The following NAV3 variants were observed in gnomAD, a reference collection of about 807,000 sequenced individuals.
The protein encoded by NAV3 is pore membrane and/or filament interacting like protein 1.
A neutral mutation model predicts 244.7 loss-of-function variants in NAV3; 87 were observed. The ratio of observed to expected loss-of-function variants is 0.36; its 90% CI spans 0.30 to 0.42. The LOEUF is 0.42. Ranked by LOEUF, NAV3 falls within the 20% of genes least tolerant of loss-of-function variation. The pLI, the probability that NAV3 is intolerant of heterozygous loss-of-function variation, is 1.00. For missense variants in NAV3, 2,663 were observed against 2,893.3 expected, an observed-to-expected ratio of 0.92 and a Z score of 1.83; for synonymous variants, 1,126 against 1,042.2, an observed-to-expected ratio of 1.08 and a Z score of -1.55.
chr12:78,153,887 T>C (rs919311646), intron 22 of NAV3, among the ~76,000 whole-genome samples: 3 of 151,768 alleles, frequency 2.0e-5, no homozygotes, highest in African/African-American at 7.3e-5. Flanking sequence ...TGAGAAACAC[T>C]TCAGTGTTTG....
At chr12:78,146,488 A>G in intron 21 of NAV3, 96 bp downstream of exon 21, 2 of 409,114 alleles carry the variant, frequency 4.9e-6, no homozygotes, top group Non-Finnish European at 8.4e-6. Context: ...CTGTGATACA[A>G]TAGCAGAACT....
chr12:77,909,032 A>C (rs1242292), intron 1 of NAV3, among the ~76,000 whole-genome samples: 16,803 of 151,976 alleles, frequency 0.11, 1,068 homozygotes, highest in South Asian at 0.2. Flanking sequence ...CAGTTTCTTC[A>C]TCTGTACAGT....
In NAV3 at chr12:78,211,471, C is replaced by CT. The variant is rs71441913; in HGVS notation, c.*968dup. On this transcript the variant is annotated 3_prime_UTR_variant, in exon 40 of 40. Transcript: ENST00000397909. ...TAGCCTCATCTCTATATATCTTTCT[C>CT]TTTTTTTTTTTTTTGAAGAAATGGA... 2,672 of 144,686 alleles carry CT rather than the reference C, an allele frequency of 0.018. 37 individuals are homozygous for CT. Among genetic ancestry groups the CT allele is most frequent in the South Asian group, 0.041 (191 of 4,616 alleles). The allele number at this position is 144,686 out of a possible 1,614,324, so 9.0% of individuals were successfully genotyped here. A position where few individuals can be genotyped will look rare whatever the true frequency, so the allele number is the denominator to read the frequency against.
intron 2 of NAV3, among the ~76,000 whole-genome samples, chr12:77,650,178 C>G (rs1872762630): frequency 6.6e-6 from 1 of 152,132 alleles, no homozygotes; most frequent in South Asian, 2.1e-4. Flanking sequence ...CAGTTGGATT[C>G]CCATGAAACT....
rs1873575128 is a variant in NAV3, at chr12:77,831,137, A to G, written c.-325A>G. On this transcript the variant is annotated 5_prime_UTR_variant, in exon 1 of 40. In the 5' UTR this introduces an upstream ATG that the reference lacks. Transcript: ENST00000397909. ...AAGGAGTATTTAGTATTACTTAGAT[A>G]CTGAGTCACTGAACAGAGAGAGAGA... 5.6e-6 allele frequency: 1 copy of G among 178,438 alleles called. No individual in the cohort carries two copies. 11.1% of individuals were successfully genotyped at this position (178,438 alleles called of 1,614,324 possible). A position where few individuals can be genotyped will look rare whatever the true frequency, so the allele number is the denominator to read the frequency against.
chr12:77,977,674 T>C (rs1426925326), intron 5 of NAV3, among the ~76,000 whole-genome samples: 1 of 146,278 alleles, frequency 6.8e-6, no homozygotes, highest in Non-Finnish European at 1.5e-5. Context: ...AGTGTTTAGA[T>C]AGGAGATATA....
chr12:77,779,139 G>A (rs111986464), intron 2 of NAV3, among the ~76,000 whole-genome samples: 72 of 152,144 alleles, frequency 4.7e-4, no homozygotes, highest in African/African-American at 1.4e-3. Flanking sequence ...TCTTGTTTCC[G>A]CTACAAATAT....
chr12:77,798,576 G>A (rs960500509), intron 2 of NAV3, among the ~76,000 whole-genome samples: 2 of 151,904 alleles, frequency 1.3e-5, no homozygotes, highest in African/African-American at 4.8e-5. Context: ...CTTCTTTTAT[G>A]GGCTGTTGTG....
At chr12:78,180,599 G>T (rs1384273071) in intron 29 of NAV3, among the ~76,000 whole-genome samples, 1 of 151,914 alleles carries the variant, frequency 6.6e-6, no homozygotes, top group Non-Finnish European at 1.5e-5. Flanking sequence ...ATGAGACCAA[G>T]TCCTCATGAT....
At chr12:77,750,647 T>A (rs12146834) in intron 2 of NAV3, among the ~76,000 whole-genome samples, 68,103 of 151,604 alleles carry the variant, frequency 0.45, 15,550 homozygotes, top group Middle Eastern at 0.5. Context: ...TTTCTGGGCC[T>A]TGTAAAGCAA....
intron 5 of NAV3, among the ~76,000 whole-genome samples, chr12:77,970,331 G>A (rs1892892414): frequency 6.6e-6 from 1 of 152,054 alleles, no homozygotes; most frequent in Non-Finnish European, 1.5e-5. Context: ...ATGTTCCAAA[G>A]TACATTTATG....
intron 20 of NAV3, among the ~76,000 whole-genome samples, chr12:78,145,712 C>G (rs1426888171): frequency 6.6e-6 from 1 of 152,096 alleles, no homozygotes; most frequent in African/African-American, 2.4e-5. Flanking sequence ...AGCTGCATAG[C>G]CAAAAATGTT....
At chr12:77,959,075 A>C (rs1891631137) in intron 3 of NAV3, among the ~76,000 whole-genome samples, 1 of 152,328 alleles carries the variant, frequency 6.6e-6, no homozygotes, top group South Asian at 2.1e-4. Flanking sequence ...TAGTGTGAAC[A>C]GTGCAATTCC....
intron 9 of NAV3, among the ~76,000 whole-genome samples, chr12:78,023,861 A>G (rs1877555281): frequency 6.6e-6 from 1 of 152,064 alleles, no homozygotes. Flanking sequence ...TGATTTTAGT[A>G]TCTACACGGG....
At chr12:78,179,119 A>G (rs1351323317) in intron 28 of NAV3, among the ~76,000 whole-genome samples, 1 of 152,156 alleles carries the variant, frequency 6.6e-6, no homozygotes, top group Non-Finnish European at 1.5e-5. Flanking sequence ...AGAAGAAATC[A>G]ACATTTTAAG....
At chr12:77,611,749 G>A (rs1870923589) in intron 2 of NAV3, among the ~76,000 whole-genome samples, 1 of 151,964 alleles carries the variant, frequency 6.6e-6, no homozygotes, top group South Asian at 2.1e-4. Flanking sequence ...TGAGCAAAAA[G>A]TGCTTTAATA....
intron 2 of NAV3, among the ~76,000 whole-genome samples, chr12:77,621,004 A>G (rs1166304373): frequency 1.3e-5 from 2 of 152,220 alleles, no homozygotes; most frequent in African/African-American, 4.8e-5. Flanking sequence ...GAAGTTGGAC[A>G]AACTGAGAAG....
chr12:78,099,165 T>TA (rs569061650), intron 12 of NAV3, among the ~76,000 whole-genome samples: 6 of 151,760 alleles, frequency 4.0e-5, no homozygotes, highest in African/African-American at 1.4e-4. Context: ...CAGTGTTACT[T>TA]ACAATAGTTA....
intron 2 of NAV3, among the ~76,000 whole-genome samples, chr12:77,742,143 C>T (rs960943295): frequency 6.6e-6 from 1 of 152,012 alleles, no homozygotes; most frequent in African/African-American, 2.4e-5. Flanking sequence ...TTTTCATCCT[C>T]TATACAAGTT....
Sources: allele counts gnomAD v4.1 joint callset (sites outside exome capture counted in the v4.1 genomes callset), GRCh38; gene constraint gnomAD v4.1.1; transcripts MANE v1.5; gene names NCBI Gene and HGNC (gene_info 2026-07-23, HGNC 2026-07-21).